UGT3A2: variants seen among roughly 807,000 people sequenced by gnomAD.
The protein encoded by UGT3A2 is UDP glycosyltransferase family 3 member A2.
UGT3A2 carries 32 observed loss-of-function variants against 39.8 expected under a neutral mutation model. The observed-to-expected ratio is 0.80, with a 90% confidence interval of 0.61 to 1.08. The LOEUF is 1.08. UGT3A2 is among the 50% of genes least tolerant of loss of function. The probability of loss-of-function intolerance (pLI) is 0.00; values close to 1 mark genes in which losing one functional copy is unlikely to be tolerated. For synonymous variants in UGT3A2, 241 were observed against 230.7 expected, an observed-to-expected ratio of 1.04 and a Z score of -0.40; for missense variants, 611 against 637.1, an observed-to-expected ratio of 0.96 and a Z score of 0.44.
chr5:36,061,217 T>C (rs371898598), intron 2 of UGT3A2, among the ~76,000 whole-genome samples: 88 of 150,216 alleles, frequency 5.9e-4, no homozygotes, highest in African/African-American at 2.0e-3. Context: ...ATATATATTT[T>C]ACCACAATGA....
At chr5:36,038,148 C>A in intron 5 of UGT3A2, 132 bp from the exon 6 acceptor site, 11 of 925,038 alleles carry the variant, frequency 1.2e-5, no homozygotes, top group Non-Finnish European at 1.1e-5. Context: ...AATGACTGTG[C>A]TTGGGACACA....
At chr5:36,040,919 G>T (rs1383977693) in intron 4 of UGT3A2, among the ~76,000 whole-genome samples, 1 of 152,020 alleles carries the variant, frequency 6.6e-6, no homozygotes, top group Admixed American at 6.5e-5. Flanking sequence ...AGAGGGAAGA[G>T]TTAAAAAGTC....
At chr5:36,063,892 TC>T (rs1397163026) in intron 2 of UGT3A2, among the ~76,000 whole-genome samples, 1 of 152,192 alleles carries the variant, frequency 6.6e-6, no homozygotes, top group Admixed American at 6.5e-5. Flanking sequence ...TGTCTCAGCC[TC>T]CTAAAGTGCT....
At chr5:36,054,676 G>A (rs1742450821) in intron 2 of UGT3A2, among the ~76,000 whole-genome samples, 1 of 102,426 alleles carries the variant, frequency 9.8e-6, no homozygotes, top group Non-Finnish European at 2.3e-5. Context: ...ATTCTAATGG[G>A]GGCAAAAAGA....
At chr5:36,063,218 T>G (rs1035424624) in intron 2 of UGT3A2, among the ~76,000 whole-genome samples, 8 of 152,136 alleles carry the variant, frequency 5.3e-5, no homozygotes, top group African/African-American at 1.9e-4. Flanking sequence ...ATGATGGAGT[T>G]TGGGCTTTTC....
At chr5:36,059,636 A>T (rs895052392) in intron 2 of UGT3A2, among the ~76,000 whole-genome samples, 1 of 152,150 alleles carries the variant, frequency 6.6e-6, no homozygotes, top group Non-Finnish European at 1.5e-5. Context: ...GAGCACAAGG[A>T]TAAGCCTCAG....
chr5:36,041,979 G>A (rs1388696548), intron 4 of UGT3A2, among the ~76,000 whole-genome samples: 14 of 151,922 alleles, frequency 9.2e-5, no homozygotes, highest in Admixed American at 3.3e-4. Flanking sequence ...CAAAATAACC[G>A]TTTTGAGGAA....
rs377750859 is a variant in UGT3A2, at chr5:36,035,854, C to T, written c.1416G>A (p.Lys472=). 4 of 1,614,058 alleles carry T rather than the reference C, an allele frequency of 2.5e-6. No individual in the cohort carries two copies. The highest frequency in any genetic ancestry group is 3.4e-6 in the Non-Finnish European group (4 of 1,180,048). ...GCCAGGGCTGCTGAAAGACATAGGG[C>T]TTGAGGTGCGTCGCGCCCCCTGTCT... ...VLQTGGATHL[K]PYVFQQPWHE... is the part of the protein sequence containing the mutation. The change falls in exon 7 of 7, where the codon AAG becomes AAA. Residue 472 remains lysine, a synonymous_variant. Coordinates refer to ENST00000282507, the MANE Select transcript of UGT3A2 (RefSeq NM_174914.4).
intron 4 of UGT3A2, among the ~76,000 whole-genome samples, chr5:36,040,219 G>A (rs1483577993): frequency 1.3e-5 from 2 of 152,060 alleles, no homozygotes; most frequent in Non-Finnish European, 2.9e-5. Context: ...TTTTGTACAC[G>A]CTTCATCCTC....
At chr5:36,049,744 T>C (rs1742282765) in intron 3 of UGT3A2, among the ~76,000 whole-genome samples, 1 of 152,214 alleles carries the variant, frequency 6.6e-6, no homozygotes, top group Admixed American at 6.5e-5. Flanking sequence ...ATTGATAAAT[T>C]AGGTGACACT....
intron 1 of UGT3A2, among the ~76,000 whole-genome samples, chr5:36,065,429 G>A (rs937277831): frequency 2.0e-5 from 3 of 152,102 alleles, no homozygotes; most frequent in African/African-American, 4.8e-5. Context: ...AGCTGTTAGC[G>A]GTGGATCTTG....
At chr5:36,052,999 A>G (rs1742397835) in intron 2 of UGT3A2, among the ~76,000 whole-genome samples, 1 of 152,264 alleles carries the variant, frequency 6.6e-6, no homozygotes, top group Non-Finnish European at 1.5e-5. Context: ...GCTCTCAGCC[A>G]CAGTGTGTCT....
chr5:36,038,593 C>T (rs1741907688), intron 5 of UGT3A2, among the ~76,000 whole-genome samples: 2 of 152,182 alleles, frequency 1.3e-5, no homozygotes, highest in Admixed American at 1.3e-4. Context: ...TCTTTCCATG[C>T]CAGCGTTACT....
At chr5:36,061,859 A>G (rs1400182156) in intron 2 of UGT3A2, among the ~76,000 whole-genome samples, 1 of 151,618 alleles carries the variant, frequency 6.6e-6, no homozygotes, top group East Asian at 1.9e-4. Context: ...TCCCACCAAC[A>G]GTGTAAAAGT....
chr5:36,035,838 G>A lies in UGT3A2; in HGVS notation c.1432C>T (p.Gln478Ter), dbSNP rs997863699. 6.2e-7 allele frequency: 1 copy of A among 1,614,188 alleles called. No individual in the cohort carries two copies. Among genetic ancestry groups the A allele is most frequent in the African/African-American group, 1.3e-5 (1 of 75,060 alleles). Reference sequence around the variant, plus strand: ...AGCAGGTACTGCTCATGCCAGGGCTGCTGAAAGACATAGGGCTTGAGGTGC... The same window carrying A: ...AGCAGGTACTGCTCATGCCAGGGCTACTGAAAGACATAGGGCTTGAGGTGC... The part of the protein sequence containing the change: ...ATHLKPYVFQ[Q>*]PWHEQYLLDV... The change falls in exon 7 of 7, where the codon CAG becomes TAG. Residue 478 changes from glutamine to a stop codon, truncating the protein, a stop_gained. Coordinates refer to ENST00000282507, the MANE Select transcript of UGT3A2 (RefSeq NM_174914.4). LOFTEE classifies it low-confidence loss of function (END_TRUNC).
At chr5:36,060,398 A>C (rs1742652301) in intron 2 of UGT3A2, among the ~76,000 whole-genome samples, 1 of 152,148 alleles carries the variant, frequency 6.6e-6, no homozygotes, top group South Asian at 2.1e-4. Flanking sequence ...ACCCAGAAGG[A>C]ATGCTGAGGG....
chr5:36,048,774 C>T, intron 4 of UGT3A2, 115 bp downstream of exon 4: 1 of 1,442,576 alleles, frequency 6.9e-7, no homozygotes. Context: ...GCCCTAGGTG[C>T]CTCCCTTGCC....
rs1312885024 is a variant in UGT3A2 at position 36,049,153 on chromosome 5, A to G, written c.579T>C (p.Asp193=). ...YVPVFRSLLT[D]HMDFWGRVKN... is the part of the protein sequence containing the mutation. ...TCACTCGGCCCCAGAAGTCCATGTG[A>G]TCAGTCAGCAAGGAACGGAATACTG... The change falls in exon 4 of 7, where the codon GAT becomes GAC. Residue 193 remains aspartate (D), a synonymous_variant. Coordinates refer to ENST00000282507, the MANE Select transcript of UGT3A2 (RefSeq NM_174914.4). 3.1e-6 allele frequency: 5 copies of G among 1,614,220 alleles called. No homozygotes were observed. The highest frequency in any genetic ancestry group is 3.4e-6 in the Non-Finnish European group (4 of 1,180,042).
chr5:36,041,788 AAACAAGCC>A (rs1742015292), intron 4 of UGT3A2, among the ~76,000 whole-genome samples: 3 of 152,178 alleles, frequency 2.0e-5, no homozygotes, highest in Non-Finnish European at 4.4e-5. Flanking sequence ...GGACAGGTAC[AAACAAGCC>A]CAGACTGCAA....
Sources: gnomAD v4.1 joint callset for allele counts (sites outside exome capture counted in the v4.1 genomes callset) on GRCh38, gnomAD v4.1.1 for gene constraint, MANE v1.5 for transcripts, NCBI Gene and HGNC (gene_info 2026-07-23, HGNC 2026-07-21) for gene names.